TRPM3: variants seen among roughly 807,000 people sequenced by gnomAD.
The protein encoded by TRPM3 is long transient receptor potential channel 3.
Under a neutral mutation model 181.2 loss-of-function variants are expected in TRPM3, and 77 were observed. The ratio of observed to expected loss-of-function variants is 0.42; its 90% CI spans 0.35 to 0.51. The LOEUF (loss-of-function observed/expected upper bound fraction) is 0.51. Ranked by LOEUF, TRPM3 falls within the 20% of genes least tolerant of loss-of-function variation. The pLI, the probability that TRPM3 is intolerant of heterozygous loss-of-function variation, is 0.01. For missense variants in TRPM3, 1,759 were observed against 2,196.7 expected (o/e 0.80, Z 3.98); for synonymous variants, 745 against 796.4 (o/e 0.94, Z 1.09).
chr9:70,895,057 C>T (rs535381169), intron 1 of TRPM3, among the ~76,000 whole-genome samples: 18 of 152,208 alleles, frequency 1.2e-4, no homozygotes, highest in African/African-American at 2.2e-4. Context: ...TAGTATCTAT[C>T]GTCATCAAAT....
At chr9:70,828,965 T>G (rs889533133) in intron 5 of TRPM3, among the ~76,000 whole-genome samples, 1 of 152,088 alleles carries the variant, frequency 6.6e-6, no homozygotes, top group Admixed American at 6.6e-5. Flanking sequence ...AGTGGAAACA[T>G]AAGATGATGG....
intron 1 of TRPM3, among the ~76,000 whole-genome samples, chr9:70,990,760 T>C (rs1305569153): frequency 3.3e-5 from 5 of 152,256 alleles, no homozygotes; most frequent in South Asian, 2.1e-4. Context: ...ATGTTCCCCA[T>C]CCCTCTGGCG....
At chr9:70,539,302 ACTT>A (rs1233342650) in intron 25 of TRPM3, among the ~76,000 whole-genome samples, 1 of 151,714 alleles carries the variant, frequency 6.6e-6, no homozygotes, top group Non-Finnish European at 1.5e-5. Context: ...AGACCTATAG[ACTT>A]CTTAAAAACC....
chr9:71,225,392 A>C (rs555693794), intron 1 of TRPM3, among the ~76,000 whole-genome samples: 8 of 152,292 alleles, frequency 5.3e-5, no homozygotes, highest in Non-Finnish European at 1.5e-5. Flanking sequence ...TATATCCTTC[A>C]AACATGAAGG....
At chr9:71,136,134 A>T (rs896811266) in intron 1 of TRPM3, among the ~76,000 whole-genome samples, 3 of 152,262 alleles carry the variant, frequency 2.0e-5, no homozygotes, top group African/African-American at 7.2e-5. Context: ...TTTAACACAC[A>T]GACAAACTAC....
At chr9:71,194,279 G>A (rs1369347217) in intron 1 of TRPM3, among the ~76,000 whole-genome samples, 1 of 151,856 alleles carries the variant, frequency 6.6e-6, no homozygotes, top group Admixed American at 6.6e-5. Context: ...GAGTTAAATA[G>A]GTATATGGCA....
chr9:70,852,277 C>T (rs1209683576), intron 3 of TRPM3, among the ~76,000 whole-genome samples: 1 of 151,988 alleles, frequency 6.6e-6, no homozygotes, highest in Non-Finnish European at 1.5e-5. Flanking sequence ...CTCACATACT[C>T]CTCCCAACAA....
At chr9:70,801,039 T>C (rs1020474965) in intron 6 of TRPM3, among the ~76,000 whole-genome samples, 4 of 152,206 alleles carry the variant, frequency 2.6e-5, no homozygotes, top group Admixed American at 6.5e-5. Context: ...GAGTTGTCTC[T>C]CACTGAGGTG....
intron 1 of TRPM3, among the ~76,000 whole-genome samples, chr9:71,362,797 A>G (rs2092203732): frequency 6.6e-6 from 1 of 152,220 alleles, no homozygotes; most frequent in African/African-American, 2.4e-5. Context: ...AGATTTGGGA[A>G]CACAGATTAT....
chr9:71,165,191 A>G (rs1183772092), intron 1 of TRPM3, among the ~76,000 whole-genome samples: 1 of 152,166 alleles, frequency 6.6e-6, no homozygotes, highest in Non-Finnish European at 1.5e-5. Flanking sequence ...TTAACTGCCT[A>G]TACCTATTTT....
At chr9:70,692,517 C>T (rs2068897695) in intron 8 of TRPM3, among the ~76,000 whole-genome samples, 1 of 152,112 alleles carries the variant, frequency 6.6e-6, no homozygotes, top group Admixed American at 6.5e-5. Flanking sequence ...CACTCCAGTC[C>T]CATTGATGAA....
intron 1 of TRPM3, among the ~76,000 whole-genome samples, chr9:71,228,084 G>A (rs567440609): frequency 6.6e-6 from 1 of 152,156 alleles, no homozygotes; most frequent in South Asian, 2.1e-4. Flanking sequence ...AAAATTCTCA[G>A]CAATATACTA....
intron 1 of TRPM3, among the ~76,000 whole-genome samples, chr9:70,988,836 G>A (rs2134100363): frequency 6.6e-6 from 1 of 152,336 alleles, no homozygotes; most frequent in Admixed American, 6.5e-5. Context: ...GGAAGGACCT[G>A]AGGGTGGCCT....
At chr9:70,691,374 T>C (rs577486849) in intron 8 of TRPM3, among the ~76,000 whole-genome samples, 1 of 62,430 alleles carries the variant, frequency 1.6e-5, no homozygotes, top group Non-Finnish European at 3.3e-5. Context: ...TATTTTACAA[T>C]GGACTTGTCA....
chr9:70,692,917 A>G (rs2069032225), intron 8 of TRPM3, among the ~76,000 whole-genome samples: 1 of 152,174 alleles, frequency 6.6e-6, no homozygotes, highest in Non-Finnish European at 1.5e-5. Flanking sequence ...ATTTTAAAAT[A>G]TGGGTCAGTC....
chr9:70,996,663 C>A (rs1268726073), intron 1 of TRPM3, among the ~76,000 whole-genome samples: 1 of 152,202 alleles, frequency 6.6e-6, no homozygotes, highest in African/African-American at 2.4e-5. Context: ...TTCTATTGTA[C>A]TGAATGCTCT....
At chr9:71,140,503 G>A (rs1387624240) in intron 1 of TRPM3, among the ~76,000 whole-genome samples, 1 of 152,020 alleles carries the variant, frequency 6.6e-6, no homozygotes, top group African/African-American at 2.4e-5. Context: ...TCTTCAATAT[G>A]ACATCCTGAC....
At chr9:70,858,511 G>A (rs1170597331) in intron 3 of TRPM3, among the ~76,000 whole-genome samples, 1 of 152,158 alleles carries the variant, frequency 6.6e-6, no homozygotes, top group African/African-American at 2.4e-5. Flanking sequence ...AATAATTGAA[G>A]GGCAAGTTTT....
At chr9:70,595,350 C>T (rs1468586816) in intron 21 of TRPM3, among the ~76,000 whole-genome samples, 1 of 152,172 alleles carries the variant, frequency 6.6e-6, no homozygotes, top group African/African-American at 2.4e-5. Context: ...TCAACAGAGG[C>T]CAATTTCATT....
Sources: allele counts gnomAD v4.1 joint callset (sites outside exome capture counted in the v4.1 genomes callset), GRCh38; gene constraint gnomAD v4.1.1; transcripts MANE v1.5; gene names NCBI Gene and HGNC (gene_info 2026-07-23, HGNC 2026-07-21).